PAK1: variants seen among roughly 807,000 people sequenced by gnomAD.
The protein encoded by PAK1 is serine/threonine-protein kinase PAK 1.
PAK1 carries 29 observed loss-of-function variants against 67.4 expected under a neutral mutation model. The ratio of observed to expected loss-of-function variants is 0.43; its 90% CI spans 0.32 to 0.59. The LOEUF is 0.59. Among genes scored for constraint, PAK1 ranks in the 20% least tolerant of loss-of-function variants. The probability of loss-of-function intolerance (pLI) is 0.07; values close to 1 mark genes in which losing one functional copy is unlikely to be tolerated. For synonymous variants in PAK1, 223 were observed against 237.4 expected (o/e 0.94, Z 0.56); for missense variants, 337 against 670.7 (o/e 0.50, Z 5.50).
the PAK1 span, among the ~76,000 whole-genome samples, chr11:77,515,523 T>C: frequency 6.6e-6 from 1 of 152,224 alleles, no homozygotes; most frequent in Non-Finnish European, 1.5e-5. Flanking sequence ...ATGCCTTCTA[T>C]GGATCATAGA....
chr11:77,443,182 G>A (rs997487514), intron 1 of PAK1, among the ~76,000 whole-genome samples: 12 of 151,800 alleles, frequency 7.9e-5, no homozygotes, highest in African/African-American at 2.9e-4. Flanking sequence ...AATTAGCCGG[G>A]TGTGGTAGCG....
chr11:77,355,796 C>G lies in PAK1; in HGVS notation c.644G>C (p.Arg215Pro), dbSNP rs201772083. Residue 215 changes from arginine (R) to proline (P), a missense_variant, in exon 7 of 15, where the codon CGG becomes CCG. Physicochemically the swap from Arg to Pro is moderately radical, Grantham distance 103 (BLOSUM62 -2). This residue lies in a region of PAK1 where 150 missense variants were observed against 179.0 expected (regional missense o/e 0.84). Coordinates refer to ENST00000356341, the MANE Select transcript of PAK1 (RefSeq NM_002576.5). ...TGAAATGGGAGATGTAGCCACGTCC[C>G]GAGTTGGAGTGACAGGAAGTGGTTC... Reference protein sequence around the residue: ...VIEPLPVTPTRDVATSPISPT... With the variant: ...VIEPLPVTPTPDVATSPISPT... The G allele has an allele frequency of 6.2e-7, 1 of 1,613,530 alleles. No individual in the cohort carries two copies.
At chr11:77,515,737 T>G in the PAK1 span, among the ~76,000 whole-genome samples, 1 of 152,246 alleles carries the variant, frequency 6.6e-6, no homozygotes, top group Admixed American at 6.5e-5. Context: ...ATCCTTTTTT[T>G]ACTCCCAAAG....
chr11:77,331,799 T>TAA (rs955238318), intron 14 of PAK1, among the ~76,000 whole-genome samples: 2 of 136,668 alleles, frequency 1.5e-5, no homozygotes, highest in East Asian at 2.0e-4. Flanking sequence ...TAATAAAATG[T>TAA]AAAAAAAAAA....
At chr11:77,372,530 A>G (rs1054559047) in intron 5 of PAK1, among the ~76,000 whole-genome samples, 1 of 152,224 alleles carries the variant, frequency 6.6e-6, no homozygotes, top group Non-Finnish European at 1.5e-5. Context: ...CGAATAAACC[A>G]GTCCCCACTG....
At chr11:77,327,943 T>C (rs2136022095) in intron 14 of PAK1, among the ~76,000 whole-genome samples, 2 of 152,224 alleles carry the variant, frequency 1.3e-5, no homozygotes, top group South Asian at 4.1e-4. Context: ...GAGGAAGATC[T>C]ACCAAGCAAA....
At chr11:77,381,138 AGTGTGTGT>A (rs34083265) in intron 2 of PAK1, among the ~76,000 whole-genome samples, 47 of 144,456 alleles carry the variant, frequency 3.3e-4, no homozygotes, top group East Asian at 1.6e-3. Context: ...CTCACCACAG[AGTGTGTGT>A]GTGTGTGTGT....
chr11:77,463,528 C>T (rs888609193), intron 1 of PAK1, among the ~76,000 whole-genome samples: 6 of 152,194 alleles, frequency 3.9e-5, no homozygotes, highest in African/African-American at 1.2e-4. Context: ...CACTTGGAAA[C>T]TTGTATTAAT....
At chr11:77,490,644 G>A in the PAK1 span, among the ~76,000 whole-genome samples, 7 of 152,270 alleles carry the variant, frequency 4.6e-5, no homozygotes, top group Non-Finnish European at 1.0e-4. Context: ...ACAGCTCATT[G>A]AGAACGGGCC....
At chr11:77,385,298 T>C (rs909268510) in intron 2 of PAK1, among the ~76,000 whole-genome samples, 2 of 152,218 alleles carry the variant, frequency 1.3e-5, no homozygotes, top group Admixed American at 6.5e-5. Context: ...CATGTGCTCA[T>C]GTACGTGAAT....
chr11:77,379,564 T>A, intron 3 of PAK1, 176 bp from the exon 4 acceptor site: 1 of 617,908 alleles, frequency 1.6e-6, no homozygotes, highest in Non-Finnish European at 2.8e-6. Context: ...TCTCATTGAA[T>A]TAGTCATTTC....
In PAK1 at chr11:77,379,323, T is replaced by C. The variant is rs115947709; in HGVS notation, c.357A>G (p.Lys119=). ...TSNITKSEQK[K]NPQAVLDVLE... The stretch of plus-strand genomic sequence containing the variant: ...ACACATCCAGAACAGCCTGCGGGTT[T>C]TTCTTCTGCTCCGACTTAGTGATAT... The change falls in exon 4 of 15, where the codon AAA becomes AAG. Residue 119 remains lysine (K), a synonymous_variant. Transcript: ENST00000356341. 2.3e-3 allele frequency: 3,782 copies of C among 1,613,990 alleles called. 11 individuals are homozygous for C. Among genetic ancestry groups the C allele is most frequent in the South Asian group, 3.6e-3 (324 of 91,066 alleles).
At chr11:77,364,703 A>G (rs1297340395) in intron 5 of PAK1, among the ~76,000 whole-genome samples, 1 of 152,180 alleles carries the variant, frequency 6.6e-6, no homozygotes, top group Non-Finnish European at 1.5e-5. Flanking sequence ...AAAGCAATCA[A>G]CAGGAACTCT....
At chr11:77,381,577 GAAGAAATGACATT>G (rs1949838941) in intron 2 of PAK1, among the ~76,000 whole-genome samples, 1 of 152,186 alleles carries the variant, frequency 6.6e-6, no homozygotes, top group Non-Finnish European at 1.5e-5. Context: ...AGTGTAGTAA[GAAGAAATGACATT>G]AAGAACTTGC....
the PAK1 span, among the ~76,000 whole-genome samples, chr11:77,490,992 G>A: frequency 7.9e-5 from 12 of 152,174 alleles, no homozygotes; most frequent in South Asian, 4.2e-4. Context: ...CAAACACTGC[G>A]GAAGGCCGAA....
intron 1 of PAK1, among the ~76,000 whole-genome samples, chr11:77,420,719 T>C (rs1258921680): frequency 6.6e-6 from 1 of 152,166 alleles, no homozygotes; most frequent in Non-Finnish European, 1.5e-5. Context: ...TGGATCTCAA[T>C]AGTGGGGTGA....
At chr11:77,487,152 C>T in the PAK1 span, among the ~76,000 whole-genome samples, 1 of 152,042 alleles carries the variant, frequency 6.6e-6, no homozygotes, top group African/African-American at 2.4e-5. Flanking sequence ...TCCTGAGGAC[C>T]CCATTCGAGG....
chr11:77,525,336 A>G, the PAK1 span, among the ~76,000 whole-genome samples: 1 of 152,188 alleles, frequency 6.6e-6, no homozygotes, highest in East Asian at 1.9e-4. Flanking sequence ...TCTCAAAAAA[A>G]AAAAGGAAAA....
intron 1 of PAK1, among the ~76,000 whole-genome samples, chr11:77,397,583 AC>A (rs1189516434): frequency 6.6e-6 from 1 of 152,230 alleles, no homozygotes; most frequent in Admixed American, 6.5e-5. Flanking sequence ...CAGTAGAAAG[AC>A]GGGAAAGAAA....
Sources: allele counts gnomAD v4.1 joint callset (sites outside exome capture counted in the v4.1 genomes callset), GRCh38; gene constraint gnomAD v4.1.1; regional missense constraint gnomAD v4.1.1; transcripts MANE v1.5; gene names NCBI Gene and HGNC (gene_info 2026-07-23, HGNC 2026-07-21).